LUZP2: variants seen among roughly 807,000 people sequenced by gnomAD.
LUZP2 encodes the protein leucine zipper protein 2.
Under a neutral mutation model 51.6 loss-of-function variants are expected in LUZP2, and 52 were observed. That is an observed-to-expected ratio of 1.01 (90% CI 0.81 to 1.27). The LOEUF is 1.27. Ranked by LOEUF, LUZP2 falls within the 50% of genes most tolerant of loss-of-function variation. The pLI is 0.00. For synonymous variants in LUZP2, 154 were observed against 137.3 expected, an observed-to-expected ratio of 1.12 and a Z score of -0.85; for missense variants, 436 against 395.4, an observed-to-expected ratio of 1.10 and a Z score of -0.87.
intron 4 of LUZP2, among the ~76,000 whole-genome samples, chr11:24,755,957 G>A (rs976767087): frequency 6.6e-6 from 1 of 151,880 alleles, no homozygotes; most frequent in Non-Finnish European, 1.5e-5. Context: ...CATTAACTGC[G>A]AGCCTGGCAC....
intron 5 of LUZP2, among the ~76,000 whole-genome samples, chr11:24,899,060 A>G (rs1455672383): frequency 1.3e-5 from 2 of 152,202 alleles, no homozygotes; most frequent in Admixed American, 1.3e-4. Flanking sequence ...TAAACTAGAT[A>G]CAGTGATGTA....
intron 7 of LUZP2, among the ~76,000 whole-genome samples, chr11:24,918,682 CAA>C: frequency 6.6e-6 from 1 of 150,722 alleles, no homozygotes; most frequent in African/African-American, 2.4e-5. Context: ...AGAAAAATTT[CAA>C]AAAAGTGTCA....
chr11:24,920,991 C>A (rs932310588), intron 7 of LUZP2, among the ~76,000 whole-genome samples: 2 of 151,712 alleles, frequency 1.3e-5, no homozygotes, highest in Non-Finnish European at 2.9e-5. Flanking sequence ...ATAATATATC[C>A]ATTAAAAATA....
At chr11:24,926,309 G>GTGTA (rs1399293225) in intron 7 of LUZP2, among the ~76,000 whole-genome samples, 13 of 76,542 alleles carry the variant, frequency 1.7e-4, no homozygotes, top group South Asian at 4.1e-4. Flanking sequence ...ATATACGTGT[G>GTGTA]TATATATATA....
At chr11:24,527,031 T>C (rs1272774670) in intron 1 of LUZP2, among the ~76,000 whole-genome samples, 1 of 151,356 alleles carries the variant, frequency 6.6e-6, no homozygotes, top group African/African-American at 2.4e-5. Context: ...TTGATGCTTT[T>C]TATTATCTTT....
intron 7 of LUZP2, among the ~76,000 whole-genome samples, chr11:24,975,845 G>C (rs1268455908): frequency 6.6e-6 from 1 of 151,904 alleles, no homozygotes; most frequent in African/African-American, 2.4e-5. Flanking sequence ...AAGTGTATGG[G>C]ATTAAAACAC....
At chr11:24,722,687 G>T (rs150488851) in intron 1 of LUZP2, among the ~76,000 whole-genome samples, 2 of 152,112 alleles carry the variant, frequency 1.3e-5, no homozygotes, top group African/African-American at 4.8e-5. Flanking sequence ...GGAGGCCAAG[G>T]CAGGAGGATC....
Position 24,766,763 on chromosome 11 carries a change from A to G in LUZP2, c.396+3455A>G, listed in dbSNP as rs879379571. 7.2e-5 allele frequency among the ~76,000 whole-genome samples: 11 copies of G among 152,274 alleles called. No individual in the cohort carries two copies. The East Asian group carries it at 1.9e-3, about 27-fold the overall frequency. ...TAAAAAAAATTGTATTTACACTTTTATTAGTTTCTTTACTGTTTTTCTTAG... is the reference window on the plus strand; with the variant it reads ...TAAAAAAAATTGTATTTACACTTTTGTTAGTTTCTTTACTGTTTTTCTTAG... On this transcript the variant is annotated intron_variant, in intron 5 of 11. Transcript: ENST00000336930.
At chr11:24,825,029 T>G (rs904579415) in intron 5 of LUZP2, among the ~76,000 whole-genome samples, 1 of 152,086 alleles carries the variant, frequency 6.6e-6, no homozygotes, top group Non-Finnish European at 1.5e-5. Flanking sequence ...CAAACATATA[T>G]GTAGATCTAC....
At chr11:24,608,904 T>C (rs937040389) in intron 1 of LUZP2, among the ~76,000 whole-genome samples, 7 of 152,146 alleles carry the variant, frequency 4.6e-5, no homozygotes, top group African/African-American at 1.7e-4. Context: ...ATACAGGAGT[T>C]CTCCAACCAA....
At chr11:24,629,547 TGC>T (rs1198383300) in intron 1 of LUZP2, among the ~76,000 whole-genome samples, 3 of 38,198 alleles carry the variant, frequency 7.9e-5, no homozygotes, top group Non-Finnish European at 1.1e-4. Flanking sequence ...TATATTCCAT[TGC>T]ATATATATAT....
At chr11:24,775,513 C>T (rs1476649400) in intron 5 of LUZP2, among the ~76,000 whole-genome samples, 1 of 152,032 alleles carries the variant, frequency 6.6e-6, no homozygotes, top group Non-Finnish European at 1.5e-5. Flanking sequence ...CAGCTTTCTA[C>T]TTCTCAAGGG....
chr11:24,568,922 C>T (rs189643822), intron 1 of LUZP2, among the ~76,000 whole-genome samples: 144 of 151,398 alleles, frequency 9.5e-4, no homozygotes, highest in Non-Finnish European at 1.8e-3. Flanking sequence ...TAATGACAGC[C>T]ATAATTAGAA....
intron 10 of LUZP2, among the ~76,000 whole-genome samples, chr11:25,056,636 A>G (rs1452931458): frequency 6.6e-6 from 1 of 152,092 alleles, no homozygotes. Context: ...GTAGATGAAG[A>G]TTTTTCAAAT....
intron 1 of LUZP2, among the ~76,000 whole-genome samples, chr11:24,626,261 G>A (rs928586867): frequency 1.3e-5 from 2 of 152,180 alleles, no homozygotes; most frequent in South Asian, 2.1e-4. Flanking sequence ...AAGGCAAGGA[G>A]TATCAGGGAA....
At chr11:24,882,293 T>G (rs182486761) in intron 5 of LUZP2, among the ~76,000 whole-genome samples, 155 of 152,080 alleles carry the variant, frequency 1.0e-3, no homozygotes, top group Admixed American at 2.2e-3. Flanking sequence ...AGTAATCTTT[T>G]TAAAAGAATT....
chr11:24,602,209 T>C (rs1206800142), intron 1 of LUZP2, among the ~76,000 whole-genome samples: 3 of 82,174 alleles, frequency 3.7e-5, no homozygotes, highest in South Asian at 5.2e-4. Flanking sequence ...CATATATGTG[T>C]ATATATGTAT....
intron 1 of LUZP2, among the ~76,000 whole-genome samples, chr11:24,616,834 A>AGAAG (rs1280402347): frequency 6.6e-6 from 1 of 152,152 alleles, no homozygotes; most frequent in African/African-American, 2.4e-5. Context: ...AATGTTCCTA[A>AGAAG]GATTTTGATA....
chr11:24,849,335 G>A (rs1343192039), intron 5 of LUZP2, among the ~76,000 whole-genome samples: 2 of 151,900 alleles, frequency 1.3e-5, no homozygotes, highest in East Asian at 1.9e-4. Flanking sequence ...CTGTGTCCAC[G>A]TATCCTCATT....
Sources: allele counts gnomAD v4.1 joint callset (sites outside exome capture counted in the v4.1 genomes callset), GRCh38; gene constraint gnomAD v4.1.1; transcripts MANE v1.5; gene names NCBI Gene and HGNC (gene_info 2026-07-23, HGNC 2026-07-21).